The following TJP1 variants were observed in gnomAD, a reference collection of about 807,000 sequenced individuals.
TJP1 encodes the protein tight junction protein ZO-1.
A neutral mutation model predicts 194.2 loss-of-function variants in TJP1; 43 were observed. The observed-to-expected ratio is 0.22, with a 90% CI of 0.17 to 0.29. TJP1 has a LOEUF of 0.29. TJP1 is among the 10% of genes least tolerant of loss of function. The probability of loss-of-function intolerance (pLI) is 1.00; values close to 1 mark genes in which losing one functional copy is unlikely to be tolerated. For missense variants in TJP1, 1,971 were observed against 2,185.7 expected, an observed-to-expected ratio of 0.90 and a Z score of 1.96; for synonymous variants, 801 against 779.0, an observed-to-expected ratio of 1.03 and a Z score of -0.47.
In TJP1 at chr15:29,864,237, C is replaced by CAAAAAAAAAAAAAAAAAAAAAAA. The variant is rs397975539; in HGVS notation, c.307-63558_307-63536dup. 3.7e-4 allele frequency among the ~76,000 whole-genome samples: 7 copies of CAAAAAAAAAAAAAAAAAAAAAAA among 18,944 alleles called. 1 individual carries two copies. Among genetic ancestry groups the CAAAAAAAAAAAAAAAAAAAAAAA allele is most frequent in the African/African-American group, 4.5e-4 (3 of 6,664 alleles). 12.4% of individuals were successfully genotyped at this position (18,944 alleles called of 152,430 possible). ...TGAAACCCCGTCTCTACTAAAAATA[C>CAAAAAAAAAAAAAAAAAAAAAAA]AAAAAAAAAAAAAAAAAAAAAAAAA... On this transcript the variant is annotated intron_variant, in intron 2 of 28. Transcript: ENST00000356107.
chr15:29,856,228 G>A (rs2051845240), intron 2 of TJP1, among the ~76,000 whole-genome samples: 3 of 152,144 alleles, frequency 2.0e-5, no homozygotes, highest in South Asian at 2.1e-4. Flanking sequence ...GGGCAACATA[G>A]TGAGACCCTG....
chr15:29,747,094 G>A (rs2044839536), intron 8 of TJP1, among the ~76,000 whole-genome samples: 1 of 152,158 alleles, frequency 6.6e-6, no homozygotes, highest in African/African-American at 2.4e-5. Flanking sequence ...AGATCAGCCT[G>A]ACCAACATGG....
At chr15:29,879,385 T>C (rs907347621) in intron 2 of TJP1, among the ~76,000 whole-genome samples, 3 of 152,208 alleles carry the variant, frequency 2.0e-5, no homozygotes, top group Non-Finnish European at 4.4e-5. Context: ...GACGCCTCCC[T>C]ATCCCTCCAG....
At position 29,717,970 on chromosome 15, in the gene TJP1, G is replaced by C. The variant is rs145820251; in HGVS notation, c.3974+51C>G. 6.9e-4 allele frequency: 1,009 copies of C among 1,472,658 alleles called. 6 individuals carry two copies. In the African/African-American group the frequency reaches 0.012, roughly 18 times the overall value. 91.2% of individuals were successfully genotyped at this position (1,472,658 alleles called of 1,614,324 possible). On this transcript the variant is annotated intron_variant, in intron 22 of 27. Coordinates refer to ENST00000614355, the MANE Select transcript of TJP1 (RefSeq NM_001330239.4). ...AAAAGGTTTTCTTATTGACTAAGAG[G>C]GTTAAATTCCTGGTCAGTTCTATGC...
intron 4 of TJP1, among the ~76,000 whole-genome samples, chr15:29,768,943 T>C (rs1040701284): frequency 1.3e-4 from 20 of 151,954 alleles, no homozygotes; most frequent in Non-Finnish European, 2.6e-4. Flanking sequence ...ACAGAGAGGC[T>C]TTTGCAATTA....
chr15:29,765,500 A>C (rs1259963782), intron 5 of TJP1, among the ~76,000 whole-genome samples: 2 of 152,174 alleles, frequency 1.3e-5, no homozygotes, highest in Non-Finnish European at 2.9e-5. Flanking sequence ...TTCAGTTTCA[A>C]AAACTTCAAA....
intron 2 of TJP1, among the ~76,000 whole-genome samples, chr15:29,948,762 C>T (rs779137579): frequency 4.6e-5 from 7 of 152,062 alleles, no homozygotes; most frequent in Non-Finnish European, 8.8e-5. Flanking sequence ...TAGTATATAA[C>T]TTAATATCTT....
intron 1 of TJP1, among the ~76,000 whole-genome samples, chr15:29,959,962 T>C (rs1056873528): frequency 6.6e-6 from 1 of 152,146 alleles, no homozygotes; most frequent in Non-Finnish European, 1.5e-5. Context: ...AAAGAGGACA[T>C]ATGGGAAAGA....
chr15:29,708,525 G>A, intron 25 of TJP1, 34 bp downstream of exon 25: 2 of 1,515,752 alleles, frequency 1.3e-6, no homozygotes, highest in South Asian at 1.2e-5. Context: ...AAAAATCACA[G>A]GGCCAATGCT....
chr15:29,881,112 G>C (rs1047210020), intron 2 of TJP1, among the ~76,000 whole-genome samples: 1 of 152,012 alleles, frequency 6.6e-6, no homozygotes, highest in African/African-American at 2.4e-5. Flanking sequence ...CTTGTCTTTT[G>C]TGGTTTTTTT....
chr15:29,718,286 T>C lies in TJP1; in HGVS notation c.3856A>G (p.Asn1286Asp). Residue 1286 changes from asparagine to aspartate, a missense_variant, in exon 21 of 28, where the codon AAT becomes GAT. Around this residue, in one of 5 missense-constraint regions of TJP1, gnomAD observed 1,108 missense variants for 1,128.5 expected, o/e 0.98. Coordinates refer to ENST00000614355, the MANE Select transcript of TJP1 (RefSeq NM_001330239.4). ...SASLETKKDVNDTGSFKPPEV... is the reference protein window; with the variant it reads ...SASLETKKDVDDTGSFKPPEV... ...TTTACCTTAAAACTGCCAGTGTCAT[T>C]TACATCCTTCTTGGTCTCTAAGGAT... is the stretch of plus-strand genomic sequence containing the variant. 6.2e-7 allele frequency: 1 copy of C among 1,613,588 alleles called. No individual in the cohort carries two copies. The highest frequency in any genetic ancestry group is 8.5e-7 in the Non-Finnish European group (1 of 1,179,842).
chr15:29,949,923 TCAC>T (rs1346247269), intron 2 of TJP1, among the ~76,000 whole-genome samples: 1 of 4,476 alleles, frequency 2.2e-4, no homozygotes, highest in Non-Finnish European at 3.4e-4. Context: ...ACCTCCACCT[TCAC>T]CACCACCACC....
intron 24 of TJP1, among the ~76,000 whole-genome samples, chr15:29,710,526 T>G (rs901110383): frequency 2.6e-5 from 4 of 152,158 alleles, no homozygotes; most frequent in Non-Finnish European, 1.5e-5. Context: ...TCTATTTGGG[T>G]GTGTGAGATA....
Position 29,718,405 on chromosome 15 carries a change from G to A in TJP1, c.3737C>T (p.Pro1246Leu). 3 of 1,614,118 alleles carry A rather than the reference G, an allele frequency of 1.9e-6. No individual in the cohort carries two copies. Among genetic ancestry groups the A allele is most frequent in the Non-Finnish European group, 1.7e-6 (2 of 1,180,022 alleles). ...ALPSNTKPLP[P>L]PPTQTEEEED... Reference sequence around the variant, plus strand: ...CTCTTCTTCGGTTTGAGTTGGGGGTGGAGGCAGTGGTTTGGTGTTTGAAGG... The same window carrying A: ...CTCTTCTTCGGTTTGAGTTGGGGGTAGAGGCAGTGGTTTGGTGTTTGAAGG... Residue 1246 changes from proline to leucine, a missense_variant, in exon 21 of 28, where the codon CCA (proline) becomes CTA (leucine). Physicochemically the swap from Pro to Leu is moderately conservative, Grantham distance 98. Coordinates refer to ENST00000614355, the MANE Select transcript of TJP1 (RefSeq NM_001330239.4).
intron 1 of TJP1, among the ~76,000 whole-genome samples, chr15:29,966,553 G>C (rs1236182144): frequency 6.6e-6 from 1 of 151,554 alleles, no homozygotes; most frequent in Non-Finnish European, 1.5e-5. Flanking sequence ...TGAACATTAA[G>C]AAAACAGATT....
intron 1 of TJP1, among the ~76,000 whole-genome samples, chr15:29,811,294 C>G (rs1229822580): frequency 6.6e-6 from 1 of 151,318 alleles, no homozygotes; most frequent in Non-Finnish European, 1.5e-5. Flanking sequence ...TGTAGCGGGG[C>G]GGGGGAGAGC....
At chr15:29,801,777 C>T (rs534148868) in intron 1 of TJP1, among the ~76,000 whole-genome samples, 1 of 152,134 alleles carries the variant, frequency 6.6e-6, no homozygotes, top group Admixed American at 6.5e-5. Context: ...AAATTATTAT[C>T]TAAGGCAGGG....
intron 2 of TJP1, among the ~76,000 whole-genome samples, chr15:29,844,173 C>T (rs1213993787): frequency 3.3e-5 from 5 of 152,170 alleles, no homozygotes; most frequent in Admixed American, 1.3e-4. Context: ...CGGGTTGAAG[C>T]GCTTCTCCTG....
At chr15:29,940,631 T>C (rs1418157194) in intron 2 of TJP1, among the ~76,000 whole-genome samples, 1 of 152,204 alleles carries the variant, frequency 6.6e-6, no homozygotes, top group East Asian at 1.9e-4. Flanking sequence ...GATGATTTAC[T>C]GTTCCATAAC....
Sources: gnomAD v4.1 joint callset for allele counts (sites outside exome capture counted in the v4.1 genomes callset) on GRCh38, gnomAD v4.1.1 for gene constraint, gnomAD v4.1.1 regional missense constraint, MANE v1.5 for transcripts, NCBI Gene and HGNC (gene_info 2026-07-23, HGNC 2026-07-21) for gene names.